The following SUGCT variants were observed in gnomAD, a reference collection of about 807,000 sequenced individuals.
SUGCT encodes the protein succinyl-CoA:glutarate CoA-transferase.
A neutral mutation model predicts 55.0 loss-of-function variants in SUGCT; 41 were observed. The ratio of observed to expected loss-of-function variants is 0.74; its 90% CI spans 0.58 to 0.97. The LOEUF is 0.97. Among genes scored for constraint, SUGCT ranks in the 50% least tolerant of loss-of-function variants. The pLI is 0.00. For missense variants in SUGCT, 568 were observed against 547.8 expected, an observed-to-expected ratio of 1.04 and a Z score of -0.37; for synonymous variants, 187 against 200.4, an observed-to-expected ratio of 0.93 and a Z score of 0.56.
chr7:40,660,754 G>C (rs1344140601), intron 12 of SUGCT, among the ~76,000 whole-genome samples: 1 of 152,130 alleles, frequency 6.6e-6, no homozygotes, highest in Non-Finnish European at 1.5e-5. Context: ...AAACAACCCA[G>C]TCTCTGACTT....
intron 13 of SUGCT, among the ~76,000 whole-genome samples, chr7:40,790,558 G>T (rs1016649085): frequency 1.3e-5 from 2 of 152,086 alleles, no homozygotes; most frequent in Admixed American, 1.3e-4. Flanking sequence ...TCAGATCAAA[G>T]AAATAATTCC....
chr7:40,813,595 C>A (rs1369445852), intron 13 of SUGCT, among the ~76,000 whole-genome samples: 1 of 152,000 alleles, frequency 6.6e-6, no homozygotes, highest in Non-Finnish European at 1.5e-5. Context: ...TTACTTTGAG[C>A]CTATGGGTGT....
At chr7:40,771,461 A>G (rs1431664558) in intron 13 of SUGCT, among the ~76,000 whole-genome samples, 1 of 152,176 alleles carries the variant, frequency 6.6e-6, no homozygotes, top group East Asian at 1.9e-4. Flanking sequence ...CCTGTAATGT[A>G]TCTTAACAAT....
chr7:40,717,784 G>A (rs1786101797), intron 12 of SUGCT, among the ~76,000 whole-genome samples: 1 of 152,062 alleles, frequency 6.6e-6, no homozygotes, highest in South Asian at 2.1e-4. Flanking sequence ...GCATCGTTTG[G>A]TTCCAGGATT....
intron 9 of SUGCT, among the ~76,000 whole-genome samples, chr7:40,374,106 A>G (rs542653305): frequency 6.6e-6 from 1 of 152,266 alleles, no homozygotes; most frequent in East Asian, 1.9e-4. Flanking sequence ...GTATGAACCC[A>G]TGAGGCAAAA....
At chr7:40,805,295 G>A (rs1443061613) in intron 13 of SUGCT, among the ~76,000 whole-genome samples, 1 of 151,964 alleles carries the variant, frequency 6.6e-6, no homozygotes, top group Non-Finnish European at 1.5e-5. Context: ...GCCAAATTCT[G>A]CCCACCCTCA....
the SUGCT span, among the ~76,000 whole-genome samples, chr7:40,976,951 T>A: frequency 6.6e-6 from 1 of 152,144 alleles, no homozygotes; most frequent in Admixed American, 6.5e-5. Context: ...AAATAAATGA[T>A]CAAGTTACAG....
At chr7:40,666,390 G>A (rs530424495) in intron 12 of SUGCT, among the ~76,000 whole-genome samples, 207 of 138,512 alleles carry the variant, frequency 1.5e-3, no homozygotes, top group Middle Eastern at 4.1e-3. Context: ...AAGGAAGGAA[G>A]GAAAGAAAGA....
chr7:40,549,020 A>G (rs555676814), intron 12 of SUGCT, among the ~76,000 whole-genome samples: 3 of 152,292 alleles, frequency 2.0e-5, no homozygotes, highest in East Asian at 3.9e-4. Context: ...TGGGGCCTCT[A>G]TATTCAAGTG....
chr7:41,032,325 C>T, the SUGCT span, among the ~76,000 whole-genome samples: 1 of 151,942 alleles, frequency 6.6e-6, no homozygotes, highest in Non-Finnish European at 1.5e-5. Flanking sequence ...ATAAAAGCTA[C>T]ATTTCTCATG....
the SUGCT span, among the ~76,000 whole-genome samples, chr7:40,882,699 T>C: frequency 6.6e-6 from 1 of 152,194 alleles, no homozygotes; most frequent in African/African-American, 2.4e-5. Flanking sequence ...ATTGCATAAA[T>C]GTAATTGATG....
rs770953320 is a variant in SUGCT, at chr7:40,237,661, C to T, written c.511C>T (p.Gln171Ter). 1 of 1,613,850 alleles carries T rather than the reference C, an allele frequency of 6.2e-7. No individual in the cohort carries two copies. The highest frequency in any genetic ancestry group is 8.5e-7 in the Non-Finnish European group (1 of 1,179,848). ...GTATGGTCAGACAGGTCCAATTTCT[C>T]AGCGAGCTGGTTATGATGCTGTTGC... ...TGYGQTGPIS[Q>*]RAGYDAVASA... The change falls in exon 7 of 14, where the codon CAG becomes TAG. Residue 171 changes from glutamine (Q) to a stop codon, truncating the protein, a stop_gained. Transcript: ENST00000335693. LOFTEE classifies it high-confidence loss of function.
At chr7:40,415,008 G>A (rs1786893838) in intron 9 of SUGCT, among the ~76,000 whole-genome samples, 1 of 141,888 alleles carries the variant, frequency 7.0e-6, no homozygotes, top group African/African-American at 2.7e-5. Flanking sequence ...TCACGCCACT[G>A]CACTCCAACC....
chr7:40,250,085 C>T (rs6944051), intron 7 of SUGCT, among the ~76,000 whole-genome samples: 1 of 152,036 alleles, frequency 6.6e-6, no homozygotes, highest in Admixed American at 6.6e-5. Context: ...CTGCGCCCGG[C>T]TTAATTGGCT....
chr7:40,584,243 CT>C (rs1200473529), intron 12 of SUGCT, among the ~76,000 whole-genome samples: 1 of 152,088 alleles, frequency 6.6e-6, no homozygotes, highest in East Asian at 1.9e-4. Context: ...TCTTGGAGTG[CT>C]TTACAAAAGA....
At chr7:40,813,507 T>C (rs979367693) in intron 13 of SUGCT, among the ~76,000 whole-genome samples, 1 of 152,196 alleles carries the variant, frequency 6.6e-6, no homozygotes, top group African/African-American at 2.4e-5. Flanking sequence ...TAAAGTATAT[T>C]GTGGCTGATA....
chr7:40,244,879 A>G (rs1056471464), intron 7 of SUGCT, among the ~76,000 whole-genome samples: 3 of 152,164 alleles, frequency 2.0e-5, no homozygotes, highest in Non-Finnish European at 4.4e-5. Context: ...ATGTTGGGAC[A>G]TAAACTGGGT....
chr7:40,500,651 CT>C (rs1792228688), intron 12 of SUGCT, among the ~76,000 whole-genome samples: 1 of 152,098 alleles, frequency 6.6e-6, no homozygotes, highest in African/African-American at 2.4e-5. Flanking sequence ...TGAAAATTGT[CT>C]GTTTTCATCT....
At chr7:40,880,960 T>C in the SUGCT span, among the ~76,000 whole-genome samples, 4 of 152,226 alleles carry the variant, frequency 2.6e-5, no homozygotes, top group African/African-American at 7.2e-5. Context: ...TTGAAAGCTA[T>C]GCAGAATGAT....
Sources: gnomAD v4.1 joint callset for allele counts (sites outside exome capture counted in the v4.1 genomes callset) on GRCh38, gnomAD v4.1.1 for gene constraint, MANE v1.5 for transcripts, NCBI Gene and HGNC (gene_info 2026-07-23, HGNC 2026-07-21) for gene names.